Variants in STIM2 observed in about 807,000 individuals in gnomAD.
The protein encoded by STIM2 is stromal interaction molecule 2.
A neutral mutation model predicts 85.8 loss-of-function variants in STIM2; 31 were observed. The observed-to-expected ratio is 0.36, with a 90% CI of 0.27 to 0.49. The LOEUF (loss-of-function observed/expected upper bound fraction) is 0.49, where lower values mean the gene tolerates loss of function less well. Among genes scored for constraint, STIM2 ranks in the 20% least tolerant of loss-of-function variants. STIM2 has a pLI of 0.98. For missense variants in STIM2, 841 were observed against 927.6 expected, an observed-to-expected ratio of 0.91 and a Z score of 1.21; for synonymous variants, 356 against 331.1, an observed-to-expected ratio of 1.08 and a Z score of -0.82.
intron 1 of STIM2, among the ~76,000 whole-genome samples, chr4:26,899,669 T>C (rs1723845096): frequency 1.3e-5 from 2 of 152,200 alleles, no homozygotes; most frequent in Non-Finnish European, 2.9e-5. Context: ...ATGAATACTT[T>C]TTCCTGAGTA....
At chr4:26,861,695 A>AT (rs57976994) in intron 1 of STIM2, 5,682 of 124,082 alleles carry the variant, frequency 0.046, 208 homozygotes, top group African/African-American at 0.079. Context: ...GACTGGGCTG[A>AT]TTTTTTTTTT....
At chr4:26,974,325 G>T (rs1225427459) in intron 3 of STIM2, among the ~76,000 whole-genome samples, 1 of 152,104 alleles carries the variant, frequency 6.6e-6, no homozygotes, top group Non-Finnish European at 1.5e-5. Context: ...TTTCTTCCTA[G>T]CCTTGATGGT....
At chr4:26,995,029 G>A (rs922169072) in intron 3 of STIM2, among the ~76,000 whole-genome samples, 2 of 151,926 alleles carry the variant, frequency 1.3e-5, no homozygotes, top group Non-Finnish European at 1.5e-5. Flanking sequence ...GAATGTTTTC[G>A]GTATTACAAT....
chr4:26,866,334 C>T (rs1259998148), intron 1 of STIM2, among the ~76,000 whole-genome samples: 1 of 152,090 alleles, frequency 6.6e-6, no homozygotes, highest in Non-Finnish European at 1.5e-5. Context: ...TTCTCTGGTT[C>T]CAAAGCTTGG....
At chr4:26,877,319 C>G (rs1722847978) in intron 1 of STIM2, among the ~76,000 whole-genome samples, 1 of 152,088 alleles carries the variant, frequency 6.6e-6, no homozygotes, top group Non-Finnish European at 1.5e-5. Context: ...CCATTTGACT[C>G]TCTTACAGTT....
intron 2 of STIM2, among the ~76,000 whole-genome samples, chr4:26,943,310 A>G (rs1725688753): frequency 6.6e-6 from 1 of 152,184 alleles, no homozygotes; most frequent in Non-Finnish European, 1.5e-5. Flanking sequence ...CATATTCAAA[A>G]TAATTAGGTA....
chr4:26,940,764 C>G (rs1003733063), intron 2 of STIM2, among the ~76,000 whole-genome samples: 1 of 152,060 alleles, frequency 6.6e-6, no homozygotes, highest in Non-Finnish European at 1.5e-5. Context: ...TTGCTATTCT[C>G]TCCCCTACTC....
At chr4:27,000,782 G>T (rs565455291) in intron 5 of STIM2, among the ~76,000 whole-genome samples, 2 of 151,092 alleles carry the variant, frequency 1.3e-5, no homozygotes, top group Non-Finnish European at 2.9e-5. Context: ...TTAAAAACCA[G>T]CATTGTCAAA....
At chr4:26,959,826 C>T (rs1010091795) in intron 3 of STIM2, among the ~76,000 whole-genome samples, 2 of 151,836 alleles carry the variant, frequency 1.3e-5, no homozygotes, top group Non-Finnish European at 2.9e-5. Flanking sequence ...GAGGGATTTC[C>T]TCAGTTCAAA....
chr4:27,013,208 A>G (rs1010716682), intron 10 of STIM2, among the ~76,000 whole-genome samples: 3 of 148,166 alleles, frequency 2.0e-5, no homozygotes, highest in African/African-American at 7.5e-5. Flanking sequence ...CCTGTGGTCA[A>G]CTGTGGTCTG....
intron 2 of STIM2, among the ~76,000 whole-genome samples, chr4:26,945,011 G>A (rs566335915): frequency 6.6e-6 from 1 of 152,238 alleles, no homozygotes; most frequent in Admixed American, 6.5e-5. Flanking sequence ...TGTGTGTCAT[G>A]GGGGTTTGTT....
chr4:26,907,513 T>G, intron 1 of STIM2, among the ~76,000 whole-genome samples: 1 of 152,176 alleles, frequency 6.6e-6, no homozygotes, highest in Admixed American at 6.5e-5. Flanking sequence ...AAGAGGGTAT[T>G]AAAAAAAACT....
intron 3 of STIM2, among the ~76,000 whole-genome samples, chr4:26,980,891 C>T (rs1392131809): frequency 2.0e-5 from 3 of 152,022 alleles, no homozygotes; most frequent in Non-Finnish European, 2.9e-5. Context: ...TGTGGGTTGA[C>T]GAGATTACAT....
In STIM2 at chr4:27,022,627, G is replaced by C; in HGVS notation, c.1872G>C (p.Lys624Asn). Residue 624 changes from lysine to asparagine, a missense_variant, in exon 12 of 12, where the codon AAG (lysine) becomes AAC (asparagine). By Grantham distance (94) the Lys-to-Asn change is moderately conservative. Transcript: ENST00000467087. Reference sequence around the variant, plus strand: ...TATACCAAACATTATCTCCGCGAAAGATATCAAGAGATGAGGTGTCCCTAG... The same window carrying C: ...TATACCAAACATTATCTCCGCGAAACATATCAAGAGATGAGGTGTCCCTAG... 5 of 1,614,200 alleles carry C rather than the reference G, an allele frequency of 3.1e-6. No homozygotes were observed. The highest frequency in any genetic ancestry group is 4.2e-6 in the Non-Finnish European group (5 of 1,180,022).
chr4:26,903,715 G>A (rs926053855), intron 1 of STIM2, among the ~76,000 whole-genome samples: 3 of 152,138 alleles, frequency 2.0e-5, no homozygotes, highest in African/African-American at 7.2e-5. Context: ...ATTTTCAGAT[G>A]TTAGGTTTGG....
intron 2 of STIM2, among the ~76,000 whole-genome samples, chr4:26,942,645 G>T (rs1383840943): frequency 6.6e-6 from 1 of 151,918 alleles, no homozygotes; most frequent in Non-Finnish European, 1.5e-5. Flanking sequence ...GTCATGATAT[G>T]GTTTAATATA....
intron 1 of STIM2, among the ~76,000 whole-genome samples, chr4:26,889,859 C>T (rs903966048): frequency 1.3e-5 from 2 of 152,200 alleles, no homozygotes; most frequent in African/African-American, 4.8e-5. Flanking sequence ...GGTCAGCATT[C>T]ACGTGGGACA....
chr4:27,009,186 T>C, intron 10 of STIM2, among the ~76,000 whole-genome samples, 184 bp downstream of exon 10: 1 of 152,200 alleles, frequency 6.6e-6, no homozygotes, highest in East Asian at 1.9e-4. Flanking sequence ...AATGCATATA[T>C]CAATACTTTG....
At chr4:26,913,701 A>G (rs1724425149) in intron 1 of STIM2, among the ~76,000 whole-genome samples, 2 of 152,228 alleles carry the variant, frequency 1.3e-5, no homozygotes, top group Non-Finnish European at 2.9e-5. Context: ...TTGGAAATCC[A>G]ATTAGGTAAG....
Sources: allele counts gnomAD v4.1 joint callset (sites outside exome capture counted in the v4.1 genomes callset), GRCh38; gene constraint gnomAD v4.1.1; transcripts MANE v1.5; gene names NCBI Gene and HGNC (gene_info 2026-07-23, HGNC 2026-07-21).